The following WDFY4 variants were observed in gnomAD, a reference collection of about 807,000 sequenced individuals.
WDFY4 encodes the protein WD repeat- and FYVE domain-containing protein 4.
WDFY4 carries 169 observed loss-of-function variants against 351.9 expected under a neutral mutation model. The ratio of observed to expected loss-of-function variants is 0.48; its 90% CI spans 0.42 to 0.55. The LOEUF (loss-of-function observed/expected upper bound fraction) is 0.55. WDFY4 is among the 20% of genes least tolerant of loss of function. WDFY4 has a pLI of 0.00. For missense variants in WDFY4, 3,803 were observed against 3,935.6 expected, an observed-to-expected ratio of 0.97 and a Z score of 0.90; for synonymous variants, 1,622 against 1,574.6, an observed-to-expected ratio of 1.03 and a Z score of -0.71.
At position 48,774,684 on chromosome 10, in the gene WDFY4, T is replaced by A; in HGVS notation, c.2768+12T>A. On this transcript the variant is annotated intron_variant, in intron 14 of 61. Coordinates refer to ENST00000325239, the MANE Select transcript of WDFY4 (RefSeq NM_001394531.1). The stretch of plus-strand genomic sequence containing the variant: ...CCGGATGTGCTAAGGTACCACATGC[T>A]GCATATTCAGTGCCGCCAAGCTGGG... 6.4e-7 allele frequency: 1 copy of A among 1,551,594 alleles called. No homozygotes were observed. Among genetic ancestry groups the A allele is most frequent in the Non-Finnish European group, 8.7e-7 (1 of 1,146,918 alleles).
At chr10:48,686,789 A>AT (rs541610743) in intron 1 of WDFY4, among the ~76,000 whole-genome samples, 6 of 151,176 alleles carry the variant, frequency 4.0e-5, no homozygotes, top group Middle Eastern at 3.4e-3. Flanking sequence ...TCAAGAGTTT[A>AT]TTTTTTTTTC....
intron 36 of WDFY4, among the ~76,000 whole-genome samples, chr10:48,828,432 C>T (rs1416170339): frequency 1.3e-5 from 2 of 152,136 alleles, no homozygotes; most frequent in African/African-American, 4.8e-5. Context: ...GAAATCAATG[C>T]CAAACAAAGG....
chr10:48,709,591 T>G, intron 1 of WDFY4, 125 bp from the exon 2 acceptor site: 1 of 794,834 alleles, frequency 1.3e-6, no homozygotes, highest in African/African-American at 1.7e-5. Flanking sequence ...TTAGTCTGTT[T>G]CAGATTCTTA....
At chr10:48,809,460 TCAC>T (rs1186910395) in intron 28 of WDFY4, among the ~76,000 whole-genome samples, 7 of 148,960 alleles carry the variant, frequency 4.7e-5, no homozygotes, top group African/African-American at 1.7e-4. Context: ...ATCAGCATCT[TCAC>T]CACCAGCATC....
intron 2 of WDFY4, among the ~76,000 whole-genome samples, chr10:48,718,583 A>T (rs2063980981): frequency 6.6e-6 from 1 of 152,192 alleles, no homozygotes; most frequent in Non-Finnish European, 1.5e-5. Flanking sequence ...GGATGCCCGG[A>T]ATGTGCACAG....
chr10:48,787,842 C>A (rs2066465887), intron 20 of WDFY4, among the ~76,000 whole-genome samples: 1 of 140,282 alleles, frequency 7.1e-6, no homozygotes, highest in Middle Eastern at 3.4e-3. Context: ...TCTTCTTCTT[C>A]TTCTTCTTCT....
In WDFY4 at chr10:48,788,405, G is replaced by GTGACAACA. The variant is rs578062398; in HGVS notation, c.3809-123_3809-116dup. The GTGACAACA allele has an allele frequency of 1.3e-3, 1,510 of 1,193,706 alleles. 3 individuals are homozygous for GTGACAACA. The highest frequency in any genetic ancestry group is 1.6e-3 in the Non-Finnish European group (1,405 of 863,550). The allele number at this position is 1,193,706 out of a possible 1,614,324, so 73.9% of individuals were successfully genotyped here. ...CATACAATGTGCAAAAACATGCAAT[G>GTGACAACA]TGACAACATACAAACATCCTCTCAA... On this transcript the variant is annotated intron_variant, in intron 20 of 61. Coordinates refer to ENST00000325239, the MANE Select transcript of WDFY4 (RefSeq NM_001394531.1).
intron 39 of WDFY4, among the ~76,000 whole-genome samples, chr10:48,865,534 G>T (rs1466959015): frequency 6.6e-6 from 1 of 152,258 alleles, no homozygotes; most frequent in Non-Finnish European, 1.5e-5. Flanking sequence ...CTCTAGTAAA[G>T]CCTTTGTCTG....
rs2064083348 is a variant in WDFY4, at chr10:48,721,387, C to T, written c.456+20C>T. 2 of 1,549,970 alleles carry T rather than the reference C, an allele frequency of 1.3e-6. No homozygotes were observed. The highest frequency in any genetic ancestry group is 1.7e-6 in the Non-Finnish European group (2 of 1,145,454). ...GACTCGGTAAGTTTCAGACCATCAG[C>T]CTCTGCCCTGGGCACTGCTCATCTA... On this transcript the variant is annotated intron_variant, in intron 4 of 61. Transcript: ENST00000325239.
Position 48,888,935 on chromosome 10 carries a change from G to A in WDFY4, c.7168-1644G>A, listed in dbSNP as rs142881344. On this transcript the variant is annotated intron_variant, in intron 43 of 61. Transcript: ENST00000325239. ...GTAATAGTTGGTTGGTTAAAATCCC[G>A]CTACTGGATTTTAAGCCCTGTGAGG... is the stretch of plus-strand genomic sequence containing the variant. Among the ~76,000 whole-genome samples, 1,229 of 152,278 alleles carry A rather than the reference G, an allele frequency of 8.1e-3. 10 individuals carry two copies. Among genetic ancestry groups the A allele is most frequent in the African/African-American group, 0.028 (1,149 of 41,548 alleles).
At chr10:48,956,192 G>A (rs553352800) in intron 51 of WDFY4, among the ~76,000 whole-genome samples, 1 of 152,338 alleles carries the variant, frequency 6.6e-6, no homozygotes, top group South Asian at 2.1e-4. Context: ...GGGAAAGAAT[G>A]TGCCTGAATT....
At chr10:48,719,893 C>G (rs2064024169) in intron 2 of WDFY4, 118 bp from the exon 3 acceptor site, 1 of 876,254 alleles carries the variant, frequency 1.1e-6, no homozygotes, top group South Asian at 1.6e-5. Flanking sequence ...CTTTTGCATG[C>G]ACCTGGGAAA....
At chr10:48,860,371 G>A (rs773822975) in intron 39 of WDFY4, among the ~76,000 whole-genome samples, 9 of 152,152 alleles carry the variant, frequency 5.9e-5, no homozygotes, top group Non-Finnish European at 1.0e-4. Context: ...GCTAGGTGCC[G>A]GCTAATTGTC....
At chr10:48,966,422 G>C in intron 54 of WDFY4, 104 bp from the exon 55 acceptor site, 1 of 1,298,248 alleles carries the variant, frequency 7.7e-7, no homozygotes, top group Non-Finnish European at 1.0e-6. Context: ...AACAAGCCGA[G>C]CTGTGGCAAC....
intron 13 of WDFY4, among the ~76,000 whole-genome samples, chr10:48,770,501 T>G (rs1228128769): frequency 6.6e-6 from 1 of 152,186 alleles, no homozygotes; most frequent in African/African-American, 2.4e-5. Context: ...TCACCCTAAA[T>G]TGAAATAATG....
intron 12 of WDFY4, among the ~76,000 whole-genome samples, chr10:48,756,353 T>C (rs2065335846): frequency 6.6e-6 from 1 of 152,086 alleles, no homozygotes. Context: ...AACTTTTGTA[T>C]GTCGACTATT....
At chr10:48,835,678 A>G (rs2068363262) in intron 39 of WDFY4, among the ~76,000 whole-genome samples, 1 of 152,190 alleles carries the variant, frequency 6.6e-6, no homozygotes. Flanking sequence ...AATTGCACAC[A>G]ACTAGTGGGA....
chr10:48,942,829 GC>G (rs1840848940), intron 48 of WDFY4, among the ~76,000 whole-genome samples: 1 of 152,200 alleles, frequency 6.6e-6, no homozygotes, highest in South Asian at 2.1e-4. Context: ...GAGGCAGAGG[GC>G]CCTTAAGAGT....
At chr10:48,918,473 G>A (rs1838752559) in intron 47 of WDFY4, among the ~76,000 whole-genome samples, 2 of 152,222 alleles carry the variant, frequency 1.3e-5, no homozygotes, top group African/African-American at 4.8e-5. Context: ...AAATTTACAG[G>A]AAGTAAGACC....
Sources: allele counts gnomAD v4.1 joint callset (sites outside exome capture counted in the v4.1 genomes callset), GRCh38; gene constraint gnomAD v4.1.1; transcripts MANE v1.5; gene names NCBI Gene and HGNC (gene_info 2026-07-23, HGNC 2026-07-21).